Variants in CTR9 observed in about 807,000 individuals in gnomAD.
CTR9 encodes CTR9 component of Paf1/RNA polymerase II complex, also known as RNA polymerase-associated protein CTR9 homolog.
Under a neutral mutation model 152.1 loss-of-function variants are expected in CTR9, and 41 were observed. The ratio of observed to expected loss-of-function variants is 0.27; its 90% CI spans 0.21 to 0.35. CTR9 has a LOEUF of 0.35. CTR9 is among the 10% of genes least tolerant of loss of function. The pLI, the probability that CTR9 is intolerant of heterozygous loss-of-function variation, is 1.00. For synonymous variants in CTR9, 476 were observed against 496.2 expected, an observed-to-expected ratio of 0.96 and a Z score of 0.54; for missense variants, 917 against 1,424.4, an observed-to-expected ratio of 0.64 and a Z score of 5.73.
At position 10,767,369 on chromosome 11, in the gene CTR9, A is replaced by T. The variant is rs1863076839; in HGVS notation, c.1687-437A>T. On this transcript the variant is annotated intron_variant, in intron 13 of 24. Coordinates refer to ENST00000361367, the MANE Select transcript of CTR9 (RefSeq NM_014633.5). The surrounding 1 kb of genome is among the most constrained non-coding windows in gnomAD (Gnocchi z 4.0). ...TTTAAATGGTGGACAAGTACTGTGG[A>T]TGTGAATGTGGGGAACTAATTTTAA... 1 of 162,326 alleles carries T rather than the reference A, an allele frequency of 6.2e-6. No individual in the cohort carries two copies. Among genetic ancestry groups the T allele is most frequent in the Non-Finnish European group, 1.4e-5 (1 of 73,426 alleles). 10.1% of individuals were successfully genotyped at this position (162,326 alleles called of 1,614,324 possible). A position where few individuals can be genotyped will look rare whatever the true frequency, so the allele number is the denominator to read the frequency against.
chr11:10,759,795 T>C (rs1327507398), intron 5 of CTR9, among the ~76,000 whole-genome samples: 3 of 152,172 alleles, frequency 2.0e-5, no homozygotes, highest in African/African-American at 7.2e-5. Context: ...AAAGGAACAA[T>C]GGTATGTGCC....
chr11:10,768,550 CT>C, intron 16 of CTR9, 59 bp downstream of exon 16: 2 of 1,518,936 alleles, frequency 1.3e-6, no homozygotes, highest in Non-Finnish European at 1.8e-6. Flanking sequence ...CAGATGTTTT[CT>C]TAGCCATTCT....
intron 5 of CTR9, among the ~76,000 whole-genome samples, chr11:10,758,761 C>T (rs544054888): frequency 6.6e-6 from 1 of 152,062 alleles, no homozygotes; most frequent in Non-Finnish European, 1.5e-5. Flanking sequence ...GAAATAAGAT[C>T]CCCCTCACAT....
Position 10,751,355 on chromosome 11 carries a change from G to A in CTR9, c.-58G>A. 6.3e-7 allele frequency: 1 copy of A among 1,580,808 alleles called. No homozygotes were observed. Among genetic ancestry groups the A allele is most frequent in the Non-Finnish European group, 8.7e-7 (1 of 1,151,708 alleles). Reference sequence around the variant, plus strand: ...ACTCACCTCTGGATTAGCCTGAAGCGGAGACTACCGGCTGCGGAGCGGCGG... The same window carrying A: ...ACTCACCTCTGGATTAGCCTGAAGCAGAGACTACCGGCTGCGGAGCGGCGG... On this transcript the variant is annotated 5_prime_UTR_variant, in exon 1 of 25. Coordinates refer to ENST00000361367, the MANE Select transcript of CTR9 (RefSeq NM_014633.5).
intron 12 of CTR9, among the ~76,000 whole-genome samples, chr11:10,765,414 T>A (rs1457779952): frequency 6.6e-6 from 1 of 152,190 alleles, no homozygotes; most frequent in Non-Finnish European, 1.5e-5. Flanking sequence ...AAAAAGAACC[T>A]AAAGCATGAT....
chr11:10,774,712 T>C (rs1050918359), intron 22 of CTR9, among the ~76,000 whole-genome samples: 14 of 152,196 alleles, frequency 9.2e-5, no homozygotes, highest in African/African-American at 2.4e-4. Flanking sequence ...TGCTATCCTG[T>C]CCCCAGGAAC....
intron 5 of CTR9, among the ~76,000 whole-genome samples, chr11:10,757,932 A>C (rs1340795556): frequency 6.6e-6 from 1 of 152,214 alleles, no homozygotes; most frequent in Non-Finnish European, 1.5e-5. Context: ...TGAAGACCTA[A>C]AAAACAACTA....
chr11:10,752,535 A>G, intron 1 of CTR9, 137 bp from the exon 2 acceptor site: 1 of 625,430 alleles, frequency 1.6e-6, no homozygotes. Flanking sequence ...AAACATTAAC[A>G]TGGATTAGCT....
At chr11:10,770,350 C>T (rs1863123700) in intron 17 of CTR9, 24 bp downstream of exon 17, 1 of 1,598,276 alleles carries the variant, frequency 6.3e-7, no homozygotes, top group African/African-American at 1.3e-5. Flanking sequence ...ATGTTATTCC[C>T]ATCCATTTCT....
In CTR9 at chr11:10,767,692, C is replaced by A; in HGVS notation, c.1687-114C>A. 6 of 855,000 alleles carry A rather than the reference C, an allele frequency of 7.0e-6. No homozygotes were observed. Among genetic ancestry groups the A allele is most frequent in the Middle Eastern group, 3.1e-4 (1 of 3,248 alleles). The allele number at this position is 855,000 out of a possible 1,614,324, so 53.0% of individuals were successfully genotyped here. The stretch of plus-strand genomic sequence containing the variant: ...AAAGAAAGAAAGAAAAGAAAGAAAA[C>A]CACTGTTGTAATATAGTTTGTAAAC... On this transcript the variant is annotated intron_variant, in intron 13 of 24. Coordinates refer to ENST00000361367, the MANE Select transcript of CTR9 (RefSeq NM_014633.5). This position sits in a 1 kb window ranked among gnomAD's most constrained non-coding sequence, Gnocchi z 4.0.
intron 24 of CTR9, among the ~76,000 whole-genome samples, chr11:10,776,603 A>G (rs1307668038): frequency 6.6e-6 from 1 of 152,246 alleles, no homozygotes; most frequent in Non-Finnish European, 1.5e-5. Flanking sequence ...CTGGGAATAC[A>G]GAGAGAAAAG....
At chr11:10,756,598 AT>A (rs1356885055) in intron 4 of CTR9, 150 bp from the exon 5 acceptor site, 1 of 535,162 alleles carries the variant, frequency 1.9e-6, no homozygotes, top group Non-Finnish European at 3.2e-6. Context: ...GTATACTTTT[AT>A]GAAAAACAAA....
chr11:10,754,873 A>C (rs927682954), intron 2 of CTR9, 85 bp from the exon 3 acceptor site: 1 of 1,398,872 alleles, frequency 7.1e-7, no homozygotes, highest in African/African-American at 1.5e-5. Flanking sequence ...TTGTTATTAC[A>C]AATAAAGCTG....
intron 6 of CTR9, among the ~76,000 whole-genome samples, chr11:10,760,829 T>C (rs1862964940): frequency 6.6e-6 from 1 of 152,190 alleles, no homozygotes; most frequent in Non-Finnish European, 1.5e-5. Context: ...AATTCCGTCC[T>C]CCCTTCCTTA....
chr11:10,777,866 C>G (rs1397672179), intron 24 of CTR9, among the ~76,000 whole-genome samples: 1 of 152,192 alleles, frequency 6.6e-6, no homozygotes, highest in Non-Finnish European at 1.5e-5. Context: ...GAATATCTGT[C>G]ATGAAAACCA....
Position 10,767,922 on chromosome 11 carries a change from C to A in CTR9, c.1803C>A (p.Thr601=). 6 of 1,614,104 alleles carry A rather than the reference C, an allele frequency of 3.7e-6. No homozygotes were observed. Among genetic ancestry groups the A allele is most frequent in the Non-Finnish European group, 5.1e-6 (6 of 1,179,980 alleles). Residue 601 remains threonine, a synonymous_variant, in exon 14 of 25, where the codon ACC becomes ACA. Coordinates refer to ENST00000361367, the MANE Select transcript of CTR9 (RefSeq NM_014633.5). This position sits in a 1 kb window ranked among gnomAD's most constrained non-coding sequence, Gnocchi z 4.0. ...AACAGCCATCCACACAGAGTGATAC[C>A]TATTCTATGCTAGCCCTTGGCAACG... ...ILKQPSTQSD[T]YSMLALGNVW... is the part of the protein sequence containing the mutation.
intron 22 of CTR9, 53 bp downstream of exon 22, chr11:10,774,222 C>G: frequency 6.5e-7 from 1 of 1,530,270 alleles, no homozygotes; most frequent in Non-Finnish European, 8.7e-7. Context: ...GGTGAAAGAC[C>G]TTTTACCTTC....
chr11:10,778,897 A>G lies in CTR9; in HGVS notation c.3314A>G (p.Glu1105Gly). 2 of 1,614,214 alleles carry G rather than the reference A, an allele frequency of 1.2e-6. No individual in the cohort carries two copies. Among genetic ancestry groups the G allele is most frequent in the Middle Eastern group, 3.3e-4 (2 of 6,062 alleles). ...RPSGSEQSDN[E>G]SVQSGRSHSG... The stretch of plus-strand genomic sequence containing the variant: ...TCCGGTTCTGAGCAGTCTGACAATG[A>G]ATCTGTGCAGTCAGGGAGAAGCCAC... Residue 1105 changes from glutamate (E) to glycine (G), a missense_variant, in exon 25 of 25, where the codon GAA (glutamate) becomes GGA (glycine). Transcript: ENST00000361367.
intron 21 of CTR9, 90 bp downstream of exon 21, chr11:10,773,363 C>G (rs1863175017): frequency 3.3e-6 from 5 of 1,493,902 alleles, no homozygotes; most frequent in Non-Finnish European, 4.6e-6. Flanking sequence ...TCCTTCTGTA[C>G]TTACTAGTTT....
Sources: gnomAD v4.1 joint callset for allele counts (sites outside exome capture counted in the v4.1 genomes callset) on GRCh38, gnomAD v4.1.1 for gene constraint, Gnocchi (gnomAD v3.1) non-coding constraint, MANE v1.5 for transcripts, NCBI Gene and HGNC (gene_info 2026-07-23, HGNC 2026-07-21) for gene names.